Variants in CTNNA2 observed in about 807,000 individuals in gnomAD.
The protein encoded by CTNNA2 is catenin alpha 2, also known as catenin alpha-2.
In CTNNA2, 42 loss-of-function variants were observed where a neutral mutation model predicts 101.0. The observed-to-expected ratio is 0.42, with a 90% confidence interval of 0.32 to 0.54. The LOEUF (loss-of-function observed/expected upper bound fraction) is 0.54. CTNNA2 is among the 20% of genes least tolerant of loss of function. The pLI is 0.14. For missense variants in CTNNA2, 871 were observed against 1,223.1 expected (o/e 0.71, Z 4.29); for synonymous variants, 450 against 456.4 (o/e 0.99, Z 0.18).
chr2:80,378,046 G>A (rs968067206), intron 7 of CTNNA2, among the ~76,000 whole-genome samples: 2 of 152,196 alleles, frequency 1.3e-5, no homozygotes, highest in Non-Finnish European at 1.5e-5. Context: ...TACTGGGAGA[G>A]TACCTGCTTA....
intron 17 of CTNNA2, among the ~76,000 whole-genome samples, chr2:80,614,288 AAAAT>A (rs139937486): frequency 0.011 from 1,659 of 151,606 alleles, 26 homozygotes; most frequent in African/African-American, 0.037. Flanking sequence ...TATTTGGAAA[AAAAT>A]AAAAGTAACA....
At chr2:79,236,785 C>T (rs1258359663) in intron 2 of CTNNA2, among the ~76,000 whole-genome samples, 3 of 152,146 alleles carry the variant, frequency 2.0e-5, no homozygotes, top group African/African-American at 4.8e-5. Flanking sequence ...AAGAAGAAAG[C>T]CCTCATCAGT....
At chr2:79,384,385 TC>T (rs1678074212) in intron 4 of CTNNA2, among the ~76,000 whole-genome samples, 2 of 18,588 alleles carry the variant, frequency 1.1e-4, no homozygotes, top group Non-Finnish European at 2.4e-4. Flanking sequence ...CTTCTCTCTC[TC>T]TCTCTCTCTC....
At chr2:80,500,059 G>A (rs1687760318) in intron 9 of CTNNA2, among the ~76,000 whole-genome samples, 1 of 152,064 alleles carries the variant, frequency 6.6e-6, no homozygotes, top group Non-Finnish European at 1.5e-5. Context: ...AAATGTTTAT[G>A]TAGTAGAAGA....
In CTNNA2 at chr2:79,526,596, G is replaced by A. The variant is rs952496745; in HGVS notation, c.-6+13389G>A. Among the ~76,000 whole-genome samples, 9 of 152,066 alleles carry A rather than the reference G, an allele frequency of 5.9e-5. 2 individuals are homozygous for A. The highest frequency in any genetic ancestry group is 2.1e-4 in the South Asian group (1 of 4,814). On this transcript the variant is annotated intron_variant, in intron 1 of 18. Transcript: ENST00000402739. Reference sequence around the variant, plus strand: ...AACTAACCGCAAAAGTATAATAATCGAGACTAAATGGTATTGACATCAGCA... The same window carrying A: ...AACTAACCGCAAAAGTATAATAATCAAGACTAAATGGTATTGACATCAGCA...
chr2:79,474,378 T>C (rs995142240), intron 4 of CTNNA2, among the ~76,000 whole-genome samples: 3 of 152,092 alleles, frequency 2.0e-5, no homozygotes, highest in African/African-American at 7.2e-5. Flanking sequence ...TACAACACAT[T>C]AAGTGACATA....
intron 7 of CTNNA2, among the ~76,000 whole-genome samples, chr2:80,021,605 A>G (rs561675999): frequency 6.6e-6 from 1 of 152,260 alleles, no homozygotes; most frequent in African/African-American, 2.4e-5. Flanking sequence ...TATTTTTTTA[A>G]CTGACAAAAG....
intron 12 of CTNNA2, among the ~76,000 whole-genome samples, chr2:80,561,359 C>CT (rs1283892881): frequency 1.6e-4 from 24 of 152,210 alleles, no homozygotes; most frequent in South Asian, 4.1e-4. Flanking sequence ...GTCTCAATGT[C>CT]TTTTTTATAT....
chr2:80,156,283 G>GA (rs1703993567), intron 7 of CTNNA2, among the ~76,000 whole-genome samples: 2 of 152,182 alleles, frequency 1.3e-5, no homozygotes, highest in African/African-American at 4.8e-5. Context: ...CAACATACTT[G>GA]AAGATGTTCA....
At chr2:80,625,765 A>G (rs1573495342) in intron 18 of CTNNA2, among the ~76,000 whole-genome samples, 1 of 152,194 alleles carries the variant, frequency 6.6e-6, no homozygotes, top group African/African-American at 2.4e-5. Context: ...AGTCATTCAT[A>G]CTTTCATTCA....
intron 3 of CTNNA2, among the ~76,000 whole-genome samples, chr2:79,801,303 G>A (rs1166548848): frequency 6.6e-6 from 1 of 152,108 alleles, no homozygotes; most frequent in Non-Finnish European, 1.5e-5. Flanking sequence ...TCTGCCCCAG[G>A]GTATGCTTTT....
intron 7 of CTNNA2, among the ~76,000 whole-genome samples, chr2:80,061,226 G>A (rs78822892): frequency 1.3e-5 from 2 of 152,066 alleles, no homozygotes; most frequent in Non-Finnish European, 2.9e-5. Context: ...ATAGAAAAAT[G>A]CTCAAGTTAA....
intron 3 of CTNNA2, among the ~76,000 whole-genome samples, chr2:79,830,481 A>G (rs1678847494): frequency 1.3e-5 from 2 of 152,146 alleles, no homozygotes; most frequent in African/African-American, 4.8e-5. Flanking sequence ...AAAAATTTCA[A>G]AAACAAAACA....
At chr2:80,202,453 A>G (rs557248998) in intron 7 of CTNNA2, among the ~76,000 whole-genome samples, 143 of 152,308 alleles carry the variant, frequency 9.4e-4, no homozygotes, top group African/African-American at 3.1e-3. Flanking sequence ...GGCTTCCCCT[A>G]TTGGCTGTCA....
intron 15 of CTNNA2, among the ~76,000 whole-genome samples, chr2:80,600,873 C>T (rs62151984): frequency 0.021 from 3,243 of 152,072 alleles, 40 homozygotes; most frequent in Non-Finnish European, 0.03. Context: ...TGTCAGTATA[C>T]GACTTTAATT....
intron 7 of CTNNA2, among the ~76,000 whole-genome samples, chr2:80,069,031 A>C (rs1331610868): frequency 3.9e-5 from 6 of 152,232 alleles, no homozygotes; most frequent in African/African-American, 1.4e-4. Context: ...ATTATATAGG[A>C]GGCCAAAATG....
chr2:79,475,324 T>C lies in CTNNA2; in HGVS notation c.-134-29730T>C, dbSNP rs139255955. Among the ~76,000 whole-genome samples, 67 of 152,230 alleles carry C rather than the reference T, an allele frequency of 4.4e-4. No homozygotes were observed. The East Asian group carries it at 0.013, about 29-fold the overall frequency. The stretch of plus-strand genomic sequence containing the variant: ...CGGAAACTTGTCTCCTAGATAGAAA[T>C]AGCAATTTTTCCCCTTTGTTCTGGG... On this transcript the variant is annotated intron_variant, in intron 4 of 21. Coordinates refer to the CTNNA2 transcript ENST00000466387.
At chr2:80,361,108 G>T (rs1408632510) in intron 7 of CTNNA2, among the ~76,000 whole-genome samples, 2 of 151,920 alleles carry the variant, frequency 1.3e-5, no homozygotes. Flanking sequence ...CCCATTAAGA[G>T]CTGTGTAATA....
chr2:79,799,096 C>T (rs1322173680), intron 3 of CTNNA2, among the ~76,000 whole-genome samples: 1 of 152,128 alleles, frequency 6.6e-6, no homozygotes. Flanking sequence ...CTTTCCTAGG[C>T]AGCTCCTGCC....
Sources: allele counts gnomAD v4.1 joint callset (sites outside exome capture counted in the v4.1 genomes callset), GRCh38; gene constraint gnomAD v4.1.1; transcripts MANE v1.5; gene names NCBI Gene and HGNC (gene_info 2026-07-23, HGNC 2026-07-21).